SPATA6: variants seen among roughly 807,000 people sequenced by gnomAD.
SPATA6 encodes the protein spermatogenesis associated 6.
A neutral mutation model predicts 65.3 loss-of-function variants in SPATA6; 56 were observed. The ratio of observed to expected loss-of-function variants is 0.86; its 90% CI spans 0.69 to 1.07. SPATA6 has a LOEUF of 1.07. Among genes scored for constraint, SPATA6 ranks in the 50% least tolerant of loss-of-function variants. SPATA6 has a pLI of 0.00. For synonymous variants in SPATA6, 199 were observed against 213.2 expected (o/e 0.93, Z 0.58); for missense variants, 590 against 594.8 (o/e 0.99, Z 0.08).
At chr1:48,356,933 T>A (rs1646678465) in intron 10 of SPATA6, among the ~76,000 whole-genome samples, 1 of 152,186 alleles carries the variant, frequency 6.6e-6, no homozygotes, top group African/African-American at 2.4e-5. Flanking sequence ...CCTGTATATA[T>A]AAAAGCAAGT....
At position 48,411,552 on chromosome 1, in the gene SPATA6, C is replaced by A. The variant is rs146441704; in HGVS notation, c.317G>T (p.Arg106Leu). 28 of 1,608,942 alleles carry A rather than the reference C, an allele frequency of 1.7e-5. No individual in the cohort carries two copies. Among genetic ancestry groups the A allele is most frequent in the African/African-American group, 2.7e-5 (2 of 74,826 alleles). Residue 106 changes from arginine (R) to leucine (L), a missense_variant, in exon 5 of 13, where the codon CGA (arginine) becomes CTA (leucine). Physicochemically the swap from Arg to Leu is moderately radical, Grantham distance 102. Coordinates refer to ENST00000371847, the MANE Select transcript of SPATA6 (RefSeq NM_019073.4). Reference protein sequence around the residue: ...ETLSTYDENTRDFMFPGPNQM... With the variant: ...ETLSTYDENTLDFMFPGPNQM... ...GTTTGGACCCGGAAACATGAAATCT[C>A]GTGTATTTTCGTCATACGTAGACAG... is the stretch of plus-strand genomic sequence containing the variant.
At chr1:48,367,990 G>C (rs1231490369) in intron 9 of SPATA6, among the ~76,000 whole-genome samples, 1 of 152,108 alleles carries the variant, frequency 6.6e-6, no homozygotes, top group East Asian at 1.9e-4. Context: ...GGGCAGGCGT[G>C]GTGGTGACAA....
intron 5 of SPATA6, 111 bp downstream of exon 5, chr1:48,411,353 C>A: frequency 8.0e-7 from 1 of 1,244,520 alleles, no homozygotes; most frequent in South Asian, 2.3e-5. Flanking sequence ...ATTAAGTAAA[C>A]TAAATTACAC....
At chr1:48,373,957 A>G (rs886101867) in intron 9 of SPATA6, among the ~76,000 whole-genome samples, 2 of 152,188 alleles carry the variant, frequency 1.3e-5, no homozygotes, top group Admixed American at 6.5e-5. Flanking sequence ...ATCAATGTTT[A>G]TATTAACTCT....
chr1:48,268,238 C>T, the SPATA6 span, among the ~76,000 whole-genome samples: 1 of 151,978 alleles, frequency 6.6e-6, no homozygotes. Context: ...GCCCCCATCC[C>T]ATATCATTAT....
chr1:48,320,572 A>G (rs1214372566), intron 11 of SPATA6, among the ~76,000 whole-genome samples: 1 of 152,256 alleles, frequency 6.6e-6, no homozygotes, highest in Non-Finnish European at 1.5e-5. Context: ...ACAAGAGCTG[A>G]GGGACTTCGT....
At chr1:48,377,401 A>G in intron 9 of SPATA6, among the ~76,000 whole-genome samples, 1 of 152,112 alleles carries the variant, frequency 6.6e-6, no homozygotes, top group East Asian at 1.9e-4. Context: ...TTAGCCACTG[A>G]ACCTTAATGA....
chr1:48,463,073 C>A (rs934578786), intron 1 of SPATA6, among the ~76,000 whole-genome samples: 1 of 152,176 alleles, frequency 6.6e-6, no homozygotes, highest in Non-Finnish European at 1.5e-5. Flanking sequence ...AAGACTTACA[C>A]CTGGTTCTCA....
chr1:48,385,195 A>G (rs1331887762), intron 9 of SPATA6, 114 bp downstream of exon 9: 1 of 956,706 alleles, frequency 1.0e-6, no homozygotes, highest in Non-Finnish European at 1.4e-6. Context: ...TTGTTTTTAC[A>G]TTTTTTACTA....
At chr1:48,441,516 T>G (rs1655475421) in intron 3 of SPATA6, among the ~76,000 whole-genome samples, 1 of 152,180 alleles carries the variant, frequency 6.6e-6, no homozygotes, top group East Asian at 1.9e-4. Context: ...TACATGAATA[T>G]GGGAAACAAG....
intron 4 of SPATA6, 166 bp from the exon 5 acceptor site, chr1:48,411,754 A>G: frequency 1.7e-6 from 1 of 603,680 alleles, no homozygotes; most frequent in Non-Finnish European, 2.4e-6. Flanking sequence ...TGTTAAAAAT[A>G]TTAACACATT....
rs529741118 is a variant in SPATA6 at position 48,314,561 on chromosome 1, T to C, written c.1195-8683A>G. ...AAAGCACTGTGTAGCGGGAAATTTA[T>C]AGCACTAAATGCCCACAAGAGAAAG... On this transcript the variant is annotated intron_variant, in intron 11 of 12. Coordinates refer to ENST00000371847, the MANE Select transcript of SPATA6 (RefSeq NM_019073.4). Among the ~76,000 whole-genome samples the C allele has an allele frequency of 1.4e-3, 216 of 152,322 alleles. 1 individual carries two copies. The highest frequency in any genetic ancestry group is 4.9e-3 in the African/African-American group (205 of 41,562).
intron 5 of SPATA6, among the ~76,000 whole-genome samples, chr1:48,406,586 T>C (rs929844653): frequency 6.6e-6 from 1 of 152,216 alleles, no homozygotes; most frequent in South Asian, 2.1e-4. Context: ...GGCAAGGTAC[T>C]GTGTTAAGAG....
chr1:48,389,560 C>T (rs1649835762), intron 8 of SPATA6, among the ~76,000 whole-genome samples: 1 of 152,010 alleles, frequency 6.6e-6, no homozygotes, highest in African/African-American at 2.4e-5. Flanking sequence ...AAAGAAACCC[C>T]CATTAGACTA....
chr1:48,377,773 A>C (rs1266522343), intron 9 of SPATA6, among the ~76,000 whole-genome samples: 1 of 152,236 alleles, frequency 6.6e-6, no homozygotes, highest in Non-Finnish European at 1.5e-5. Context: ...AACGGAACAG[A>C]GTATTATAGG....
chr1:48,442,362 A>G (rs1409684156), intron 3 of SPATA6, among the ~76,000 whole-genome samples: 1 of 152,180 alleles, frequency 6.6e-6, no homozygotes, highest in East Asian at 1.9e-4. Context: ...CACTGGGGGA[A>G]CCACCATTAA....
chr1:48,376,550 G>T (rs1647932801), intron 9 of SPATA6, among the ~76,000 whole-genome samples: 1 of 151,174 alleles, frequency 6.6e-6, no homozygotes, highest in African/African-American at 2.4e-5. Flanking sequence ...AAGCCTAGAG[G>T]TATTTTTACT....
chr1:48,333,470 C>G (rs1267643913), intron 11 of SPATA6, among the ~76,000 whole-genome samples: 1 of 152,142 alleles, frequency 6.6e-6, no homozygotes, highest in East Asian at 1.9e-4. Flanking sequence ...TCATGAGACA[C>G]CTTGTAATCA....
intron 12 of SPATA6, among the ~76,000 whole-genome samples, chr1:48,304,118 G>T (rs1010225208): frequency 2.6e-5 from 4 of 152,126 alleles, no homozygotes; most frequent in African/African-American, 9.7e-5. Flanking sequence ...TTGGCCTACT[G>T]CATAATATTA....
Sources: allele counts gnomAD v4.1 joint callset (sites outside exome capture counted in the v4.1 genomes callset), GRCh38; gene constraint gnomAD v4.1.1; transcripts MANE v1.5; gene names NCBI Gene and HGNC (gene_info 2026-07-23, HGNC 2026-07-21).